FER1L5: variants seen among roughly 807,000 people sequenced by gnomAD.
The protein encoded by FER1L5 is fer-1 like family member 5, also known as fer-1-like protein 5.
In FER1L5, 187 loss-of-function variants were observed where a neutral mutation model predicts 279.9. The ratio of observed to expected loss-of-function variants is 0.67; its 90% CI spans 0.59 to 0.75. The LOEUF is 0.75. Ranked by LOEUF, FER1L5 falls within the 30% of genes least tolerant of loss-of-function variation. FER1L5 has a pLI of 0.00. For synonymous variants in FER1L5, 921 were observed against 989.7 expected, an observed-to-expected ratio of 0.93 and a Z score of 1.30; for missense variants, 2,091 against 2,594.4, an observed-to-expected ratio of 0.81 and a Z score of 4.21.
At chr2:96,692,305 C>A in intron 31 of FER1L5, 124 bp downstream of exon 31, 2 of 1,021,474 alleles carry the variant, frequency 2.0e-6, no homozygotes, top group Non-Finnish European at 3.0e-6. Flanking sequence ...TGCCTGTCGG[C>A]CCCTCACCAG....
intron 37 of FER1L5, 28 bp from the exon 38 acceptor site, chr2:96,697,498 T>G: frequency 6.2e-7 from 1 of 1,610,074 alleles, no homozygotes. Context: ...AGCTATGGCT[T>G]TCCCTTGCTC....
In FER1L5 at chr2:96,676,410, G is replaced by A. The variant is rs1210341617; in HGVS notation, c.1669+3156G>A. Among the ~76,000 whole-genome samples the A allele has an allele frequency of 6.6e-5, 10 of 152,094 alleles. No individual in the cohort carries two copies. The East Asian group carries it at 1.9e-3, about 29-fold the overall frequency. ...TCAAACTCCCGACCTCAGGTGATCT[G>A]CCCACCTCAGCCTCCCAAAGTGCTG... On this transcript the variant is annotated intron_variant, in intron 19 of 52. Coordinates refer to ENST00000624922, the MANE Select transcript of FER1L5 (RefSeq NM_001293083.2).
At chr2:96,690,643 G>A (rs2077106184) in intron 27 of FER1L5, 54 bp downstream of exon 27, 7 of 1,483,356 alleles carry the variant, frequency 4.7e-6, no homozygotes, top group Middle Eastern at 1.7e-4. Context: ...TCAAAATAAC[G>A]GCAGCCAGCA....
chr2:96,694,308 T>G lies in FER1L5; in HGVS notation c.3637-52T>G, dbSNP rs1573950357. 6.8e-7 allele frequency: 1 copy of G among 1,473,616 alleles called. No individual in the cohort carries two copies. Among genetic ancestry groups the G allele is most frequent in the South Asian group, 1.3e-5 (1 of 74,786 alleles). 91.3% of individuals were successfully genotyped at this position (1,473,616 alleles called of 1,614,324 possible). ...CTGAGGGACCTGCTTGAGGTGAGGG[T>G]GAGGGCAGCAGGACCAGCCCAGAGG... On this transcript the variant is annotated intron_variant, in intron 33 of 52. Coordinates refer to ENST00000624922, the MANE Select transcript of FER1L5 (RefSeq NM_001293083.2). The surrounding 1 kb of genome is among the most constrained non-coding windows in gnomAD (Gnocchi z 4.6).
At position 96,702,364 on chromosome 2, in the gene FER1L5, T is replaced by G. The variant is rs375719649; in HGVS notation, c.5218T>G (p.Leu1740Val). The G allele has an allele frequency of 6.2e-7, 1 of 1,613,020 alleles. No homozygotes were observed. Among genetic ancestry groups the G allele is most frequent in the African/African-American group, 1.3e-5 (1 of 74,984 alleles). Residue 1740 changes from leucine to valine, a missense_variant, in exon 47 of 53, where the codon TTA becomes GTA. Transcript: ENST00000624922. This position sits in a 1 kb window ranked among gnomAD's most constrained non-coding sequence, Gnocchi z 4.0. ...TANVDLVDDN[L>V]SREKTSDIYI... ...CAATGTGGACCTGGTGGATGACAAT[T>G]TAAGTAGAGAGAAGACGAGCGACAT...
chr2:96,644,099 G>T (rs879476638), intron 1 of FER1L5, among the ~76,000 whole-genome samples: 29 of 150,980 alleles, frequency 1.9e-4, no homozygotes, highest in Admixed American at 2.6e-4. Flanking sequence ...TTGAACCTGG[G>T]AGGCGGAGGT....
intron 12 of FER1L5, 128 bp downstream of exon 12, chr2:96,661,919 A>G: frequency 7.4e-7 from 1 of 1,343,064 alleles, no homozygotes. Flanking sequence ...GGACAGGGTG[A>G]GACTGGAATT....
chr2:96,703,035 C>G lies in FER1L5; in HGVS notation c.5455C>G (p.Gln1819Glu), dbSNP rs1359663782. ...GAAGTTCCCAGCCCGACTTATCATC[C>G]AGGTCTGGGACAATGACATCTTCTC... Reference protein sequence around the residue: ...SMKFPARLIIQVWDNDIFSPD... With the variant: ...SMKFPARLIIEVWDNDIFSPD... Residue 1819 changes from glutamine (Q) to glutamate (E), a missense_variant, in exon 49 of 53, where the codon CAG (glutamine) becomes GAG (glutamate). Physicochemically the swap from Gln to Glu is conservative, Grantham distance 29. Transcript: ENST00000624922. The G allele has an allele frequency of 6.2e-7, 1 of 1,613,544 alleles. No homozygotes were observed. Among genetic ancestry groups the G allele is most frequent in the African/African-American group, 1.3e-5 (1 of 75,020 alleles).
At position 96,686,022 on chromosome 2, in the gene FER1L5, C is replaced by T; in HGVS notation, c.1978C>T (p.Gln660Ter). Reference sequence around the variant, plus strand: ...GTGGCAGCTCCGCAGCCTCCTCCTGCAGGAACTGGCCCAAAAGGCCAAGCA... The same window carrying T: ...GTGGCAGCTCCGCAGCCTCCTCCTGTAGGAACTGGCCCAAAAGGCCAAGCA... ...KRWQLRSLLL[Q>*]ELAQKAKQAK... Residue 660 changes from glutamine (Q) to a stop codon, truncating the protein, a stop_gained, in exon 22 of 53, where the codon CAG (glutamine) becomes TAG (stop). Coordinates refer to ENST00000624922, the MANE Select transcript of FER1L5 (RefSeq NM_001293083.2). LOFTEE classifies it high-confidence loss of function. 1.3e-6 allele frequency: 2 copies of T among 1,551,578 alleles called. No individual in the cohort carries two copies. The highest frequency in any genetic ancestry group is 1.7e-6 in the Non-Finnish European group (2 of 1,146,978).
chr2:96,686,928 C>T (rs1159415757), intron 23 of FER1L5, among the ~76,000 whole-genome samples: 3 of 151,830 alleles, frequency 2.0e-5, no homozygotes, highest in Admixed American at 1.3e-4. Flanking sequence ...ACCATTTGGT[C>T]CAGCCCCTTG....
rs58724485 is a variant in FER1L5, at chr2:96,686,855, C to CAA, written c.2229+528_2229+529dup. 6.3e-3 allele frequency among the ~76,000 whole-genome samples: 252 copies of CAA among 40,122 alleles called. 3 individuals carry two copies. Among genetic ancestry groups the CAA allele is most frequent in the African/African-American group, 9.6e-3 (114 of 11,834 alleles). The allele number at this position is 40,122 out of a possible 152,430, so 26.3% of individuals were successfully genotyped here. A position where few individuals can be genotyped will look rare whatever the true frequency, so the allele number is the denominator to read the frequency against. On this transcript the variant is annotated intron_variant, in intron 23 of 52. Transcript: ENST00000624922. ...TGGGTGACAGAGCGAGACTCCGTCT[C>CAA]AAAAAAAAAAAAAAAAAAAAAAAAC...
chr2:96,671,440 CTTACTGAGGCCCA>C (rs1039299861), intron 18 of FER1L5, among the ~76,000 whole-genome samples: 8 of 152,216 alleles, frequency 5.3e-5, no homozygotes, highest in Admixed American at 3.3e-4. Context: ...GCTGACTCCC[CTTACTGAGGCCCA>C]TTTTCTGCCA....
chr2:96,690,441 C>A, intron 26 of FER1L5, 46 bp from the exon 27 acceptor site: 1 of 1,526,700 alleles, frequency 6.6e-7, no homozygotes, highest in South Asian at 1.2e-5. Context: ...GGGCAGCCTC[C>A]TCCCAGCTCA....
In FER1L5 at chr2:96,682,038, G is replaced by A. The variant is rs142632508; in HGVS notation, c.1670-2289G>A. On this transcript the variant is annotated intron_variant, in intron 19 of 52. Transcript: ENST00000624922. The stretch of plus-strand genomic sequence containing the variant: ...TAACCTCAGGTAATCTGCCCACCTC[G>A]GCCTCCCAAAATGCTGGGATTACAG... 1.2e-4 allele frequency among the ~76,000 whole-genome samples: 18 copies of A among 151,630 alleles called. No individual in the cohort carries two copies. The East Asian group carries it at 2.5e-3, about 21-fold the overall frequency.
chr2:96,647,007 G>A (rs1226227735), intron 2 of FER1L5, 57 bp from the exon 3 acceptor site: 1 of 1,516,718 alleles, frequency 6.6e-7, no homozygotes. Flanking sequence ...TCATTTCCTA[G>A]AAACATGGGA....
intron 9 of FER1L5, among the ~76,000 whole-genome samples, chr2:96,656,023 T>C (rs1347151210): frequency 6.6e-6 from 1 of 152,120 alleles, no homozygotes; most frequent in Non-Finnish European, 1.5e-5. Flanking sequence ...GAGCTTATTT[T>C]TTTATTTCTT....
Position 96,691,645 on chromosome 2 carries a change from G to A in FER1L5, c.3075+33G>A. 6.6e-7 allele frequency: 1 copy of A among 1,507,954 alleles called. No individual in the cohort carries two copies. The highest frequency in any genetic ancestry group is 8.9e-7 in the Non-Finnish European group (1 of 1,125,370). 93.4% of individuals were successfully genotyped at this position (1,507,954 alleles called of 1,614,324 possible). A position where few individuals can be genotyped will look rare whatever the true frequency, so the allele number is the denominator to read the frequency against. ...CTCACAGGCTGGGTGATGCCTGCCT[G>A]TAACCCCACCTCCCAGAGAAGCCAG... On this transcript the variant is annotated intron_variant, in intron 29 of 52. Coordinates refer to ENST00000624922, the MANE Select transcript of FER1L5 (RefSeq NM_001293083.2). This position sits in a 1 kb window ranked among gnomAD's most constrained non-coding sequence, Gnocchi z 6.0.
intron 17 of FER1L5, among the ~76,000 whole-genome samples, chr2:96,669,732 G>A (rs1487402930): frequency 6.6e-6 from 1 of 152,198 alleles, no homozygotes; most frequent in Non-Finnish European, 1.5e-5. Context: ...GCCTCCAGCA[G>A]GGAAGGCCAG....
In FER1L5 at chr2:96,649,604, C is replaced by T. The variant is rs1462817189; in HGVS notation, c.340-19C>T. The T allele has an allele frequency of 6.4e-7, 1 of 1,550,972 alleles. No homozygotes were observed. The highest frequency in any genetic ancestry group is 2.4e-5 in the East Asian group (1 of 40,918). On this transcript the variant is annotated intron_variant, in intron 4 of 52. Coordinates refer to ENST00000624922, the MANE Select transcript of FER1L5 (RefSeq NM_001293083.2). ...GATGGCAGGGTCTGGCTTACAGCTC[C>T]CTTGCCTTTGTCTTGCAGTGTACTG...
Sources: allele counts gnomAD v4.1 joint callset (sites outside exome capture counted in the v4.1 genomes callset), GRCh38; gene constraint gnomAD v4.1.1; non-coding constraint Gnocchi (gnomAD v3.1); transcripts MANE v1.5; gene names NCBI Gene and HGNC (gene_info 2026-07-23, HGNC 2026-07-21).